The following AGBL1 variants were observed in gnomAD, a reference collection of about 807,000 sequenced individuals.
AGBL1 encodes the protein cytosolic carboxypeptidase 4.
A neutral mutation model predicts 118.9 loss-of-function variants in AGBL1; 130 were observed. That is an observed-to-expected ratio of 1.09 (90% confidence interval 0.95 to 1.26). The LOEUF is 1.26. Among genes scored for constraint, AGBL1 ranks in the 50% most tolerant of loss-of-function variants. AGBL1 has a pLI of 0.00. For missense variants in AGBL1, 1,584 were observed against 1,298.1 expected (o/e 1.22, Z -3.38); for synonymous variants, 555 against 478.9 (o/e 1.16, Z -2.08).
chr15:86,459,152 C>G (rs987154185), intron 18 of AGBL1, among the ~76,000 whole-genome samples: 1 of 152,244 alleles, frequency 6.6e-6, no homozygotes, highest in East Asian at 1.9e-4. Context: ...GCAGTAATCA[C>G]GTGAGTGTAA....
At chr15:86,692,838 T>TC (rs2086196031) in intron 22 of AGBL1, among the ~76,000 whole-genome samples, 1 of 152,142 alleles carries the variant, frequency 6.6e-6, no homozygotes, top group Admixed American at 6.6e-5. Flanking sequence ...AGCTTCCACT[T>TC]ATGAGTGAGA....
At chr15:86,580,944 C>A (rs184215014) in intron 21 of AGBL1, among the ~76,000 whole-genome samples, 12 of 152,218 alleles carry the variant, frequency 7.9e-5, no homozygotes, top group African/African-American at 2.9e-4. Flanking sequence ...AATTTACTTA[C>A]AACTGTTAGA....
rs377248005 is a variant in AGBL1, at chr15:86,397,372, G to A, written c.2381G>A (p.Arg794His). The change falls in exon 18 of 23, where the codon CGT becomes CAT. Residue 794 changes from arginine (R) to histidine (H), a missense_variant. Arg to His is a conservative substitution (Grantham distance 29). Transcript: ENST00000614907. ...SDEHLEQFRH[R>H]PYQVITARVH... ...TATGTCCCTTTTTCTGCAGGACATC[G>A]TCCATATCAGGTGATCACTGCTCGA... The A allele has an allele frequency of 1.6e-4, 253 of 1,577,524 alleles. 2 individuals are homozygous for A. The East Asian group carries it at 4.1e-3, about 26-fold the overall frequency.
At chr15:86,587,783 C>T (rs560037507) in intron 21 of AGBL1, among the ~76,000 whole-genome samples, 20 of 152,268 alleles carry the variant, frequency 1.3e-4, no homozygotes, top group African/African-American at 4.3e-4. Flanking sequence ...GAAGATGCTG[C>T]CATGAGAACC....
At position 86,909,596 on chromosome 15, in the gene AGBL1, G is replaced by T. The variant is rs1408989823; in HGVS notation, c.*2302G>T. 6.6e-6 allele frequency: 1 copy of T among 152,256 alleles called. No homozygotes were observed. The highest frequency in any genetic ancestry group is 1.5e-5 in the Non-Finnish European group (1 of 68,026). The allele number at this position is 152,256 out of a possible 1,614,324, so 9.4% of individuals were successfully genotyped here. A position where few individuals can be genotyped will look rare whatever the true frequency, so the allele number is the denominator to read the frequency against. ...ATGTATGTTTATGTAACATATGCAA[G>T]AAATTTGAAGACTATTAGCAAAGAT... On this transcript the variant is annotated 3_prime_UTR_variant, in exon 23 of 23. Coordinates refer to ENST00000614907, the MANE Select transcript of AGBL1 (RefSeq NM_001386094.1).
chr15:86,823,341 T>C (rs933680757), intron 22 of AGBL1, among the ~76,000 whole-genome samples: 3 of 152,192 alleles, frequency 2.0e-5, no homozygotes, highest in Admixed American at 2.0e-4. Flanking sequence ...CAAATTCTCT[T>C]GAGTTCCTCA....
chr15:86,393,552 T>C (rs1489619023), intron 17 of AGBL1, among the ~76,000 whole-genome samples: 1 of 152,184 alleles, frequency 6.6e-6, no homozygotes, highest in African/African-American at 2.4e-5. Flanking sequence ...AAACAAGCTT[T>C]TTATTGGCGT....
intron 17 of AGBL1, among the ~76,000 whole-genome samples, chr15:86,376,799 T>G (rs1463586314): frequency 6.6e-6 from 1 of 152,192 alleles, no homozygotes; most frequent in Non-Finnish European, 1.5e-5. Context: ...ACAAATATAC[T>G]CCAATCAGGT....
chr15:86,712,550 G>A (rs1289913532), intron 22 of AGBL1, among the ~76,000 whole-genome samples: 1 of 152,046 alleles, frequency 6.6e-6, no homozygotes, highest in East Asian at 1.9e-4. Flanking sequence ...CTTAAATGGT[G>A]CTTAATTAGT....
At chr15:86,837,757 G>C (rs183990732) in intron 22 of AGBL1, among the ~76,000 whole-genome samples, 203 of 152,308 alleles carry the variant, frequency 1.3e-3, no homozygotes, top group Middle Eastern at 6.8e-3. Flanking sequence ...CCTCAAAATG[G>C]TTTTGGATTA....
At chr15:86,595,885 T>C (rs1341764084) in intron 21 of AGBL1, among the ~76,000 whole-genome samples, 1 of 151,776 alleles carries the variant, frequency 6.6e-6, no homozygotes, top group African/African-American at 2.4e-5. Context: ...TGGAAAATGA[T>C]CCTAGTGCAC....
At chr15:86,257,133 T>G (rs1411184685) in intron 8 of AGBL1, 115 bp downstream of exon 8, 2 of 1,158,782 alleles carry the variant, frequency 1.7e-6, no homozygotes, top group East Asian at 5.2e-5. Context: ...CATAATTGTC[T>G]ATTAAGCTAA....
At chr15:86,325,204 G>C (rs942774237) in intron 17 of AGBL1, among the ~76,000 whole-genome samples, 8 of 152,068 alleles carry the variant, frequency 5.3e-5, no homozygotes, top group Non-Finnish European at 7.4e-5. Flanking sequence ...TAATAGTGTG[G>C]ACAAAAAATA....
chr15:86,859,458 A>G (rs191268269), intron 22 of AGBL1, among the ~76,000 whole-genome samples: 7 of 152,330 alleles, frequency 4.6e-5, no homozygotes, highest in African/African-American at 1.7e-4. Flanking sequence ...TGTGAAGTTG[A>G]GAGTGGCCTT....
intron 17 of AGBL1, among the ~76,000 whole-genome samples, chr15:86,322,602 A>G (rs1281606923): frequency 3.9e-5 from 6 of 152,016 alleles, no homozygotes; most frequent in African/African-American, 1.4e-4. Flanking sequence ...AGTATGCTTT[A>G]TGAATATTGA....
intron 13 of AGBL1, 60 bp from the exon 14 acceptor site, chr15:86,269,859 G>T (rs2079129959): frequency 3.8e-6 from 6 of 1,577,446 alleles, no homozygotes; most frequent in Non-Finnish European, 5.2e-6. Flanking sequence ...GATTCTTAGT[G>T]TCTGAAGTTT....
At chr15:86,521,586 A>G (rs1490832228) in intron 18 of AGBL1, among the ~76,000 whole-genome samples, 2 of 152,170 alleles carry the variant, frequency 1.3e-5, no homozygotes, top group Admixed American at 6.5e-5. Flanking sequence ...AAATCAGGGA[A>G]AGTTCCCCTG....
chr15:86,720,029 A>G (rs944560788), intron 22 of AGBL1, among the ~76,000 whole-genome samples: 14 of 152,082 alleles, frequency 9.2e-5, no homozygotes, highest in African/African-American at 3.1e-4. Flanking sequence ...GATTTCCCAG[A>G]CCTTTGCTTA....
intron 19 of AGBL1, among the ~76,000 whole-genome samples, chr15:86,537,776 G>T (rs1278573538): frequency 6.6e-6 from 1 of 152,158 alleles, no homozygotes; most frequent in African/African-American, 2.4e-5. Flanking sequence ...AACTTTAGAA[G>T]AAATTGAACC....
Sources: allele counts gnomAD v4.1 joint callset (sites outside exome capture counted in the v4.1 genomes callset), GRCh38; gene constraint gnomAD v4.1.1; transcripts MANE v1.5; gene names NCBI Gene and HGNC (gene_info 2026-07-23, HGNC 2026-07-21).